The following LIN7A variants were observed in gnomAD, a reference collection of about 807,000 sequenced individuals.
LIN7A encodes the protein lin-7 cell polarity scaffold A.
Under a neutral mutation model 29.8 loss-of-function variants are expected in LIN7A, and 25 were observed. The ratio of observed to expected loss-of-function variants is 0.84; its 90% CI spans 0.61 to 1.17. LIN7A has a LOEUF of 1.17. Ranked by LOEUF, LIN7A falls within the 50% of genes most tolerant of loss-of-function variation. The pLI, the probability that LIN7A is intolerant of heterozygous loss-of-function variation, is 0.00. For missense variants in LIN7A, 239 were observed against 287.0 expected (o/e 0.83, Z 1.21); for synonymous variants, 118 against 107.5 (o/e 1.10, Z -0.60).
intron 4 of LIN7A, among the ~76,000 whole-genome samples, chr12:80,824,244 C>A (rs1359175527): frequency 6.6e-6 from 1 of 152,086 alleles, no homozygotes; most frequent in African/African-American, 2.4e-5. Context: ...CACCTTTATA[C>A]ACATAGACTA....
At chr12:80,851,445 T>C (rs1360348384) in intron 2 of LIN7A, among the ~76,000 whole-genome samples, 1 of 151,588 alleles carries the variant, frequency 6.6e-6, no homozygotes, top group Non-Finnish European at 1.5e-5. Context: ...GGTTGTAGAG[T>C]CAGGTCAAAT....
At chr12:80,916,511 T>A (rs2120842116) in intron 1 of LIN7A, among the ~76,000 whole-genome samples, 1 of 152,254 alleles carries the variant, frequency 6.6e-6, no homozygotes, top group African/African-American at 2.4e-5. Flanking sequence ...GGGCCATGCT[T>A]CTCCAATTAT....
rs573202653 is a variant in LIN7A at position 80,911,306 on chromosome 12, A to C, written c.83-21937T>G. ...TTTTTTTTTTGGTGGGGAGAAGATGAGGTCTCACTATGTTGCCCAGGCTGG... is the reference window on the plus strand; with the variant it reads ...TTTTTTTTTTGGTGGGGAGAAGATGCGGTCTCACTATGTTGCCCAGGCTGG... On this transcript the variant is annotated intron_variant, in intron 1 of 5. Coordinates refer to ENST00000552864, the MANE Select transcript of LIN7A (RefSeq NM_004664.4). Among the ~76,000 whole-genome samples the C allele has an allele frequency of 1.8e-4, 23 of 126,038 alleles. No individual in the cohort carries two copies. The Admixed American group carries it at 2.0e-3, about 11-fold the overall frequency. The allele number at this position is 126,038 out of a possible 152,430, so 82.7% of individuals were successfully genotyped here. A position where few individuals can be genotyped will look rare whatever the true frequency, so the allele number is the denominator to read the frequency against.
chr12:80,834,692 C>G (rs1005945548), intron 4 of LIN7A, among the ~76,000 whole-genome samples: 1 of 152,206 alleles, frequency 6.6e-6, no homozygotes, highest in Non-Finnish European at 1.5e-5. Context: ...GTTTGGTTAT[C>G]TCACATGAAC....
In LIN7A at chr12:80,922,817, C is replaced by T. The variant is rs1010201678; in HGVS notation, c.82+14824G>A. Among the ~76,000 whole-genome samples, 6 of 152,120 alleles carry T rather than the reference C, an allele frequency of 3.9e-5. No individual in the cohort carries two copies. The South Asian group carries it at 6.2e-4, about 16-fold the overall frequency. On this transcript the variant is annotated intron_variant, in intron 1 of 5. Coordinates refer to ENST00000552864, the MANE Select transcript of LIN7A (RefSeq NM_004664.4). ...CTGAGTAGCACAATGAAACCCCTTG[C>T]CTTCCATCTCTGTCCGGGACATGAA...
At chr12:80,927,192 C>T (rs1297889166) in intron 1 of LIN7A, among the ~76,000 whole-genome samples, 4 of 109,022 alleles carry the variant, frequency 3.7e-5, no homozygotes, top group East Asian at 6.1e-4. Context: ...GACGGAGTCT[C>T]GCTCCGTCGC....
At chr12:80,876,806 T>C (rs79005330) in intron 2 of LIN7A, among the ~76,000 whole-genome samples, 5,958 of 152,264 alleles carry the variant, frequency 0.039, 189 homozygotes, top group East Asian at 0.091. Context: ...GTTTGAAAAC[T>C]GTTTGACATA....
intron 4 of LIN7A, among the ~76,000 whole-genome samples, chr12:80,812,221 C>T (rs77458988): frequency 0.1 from 15,124 of 151,724 alleles, 816 homozygotes; most frequent in East Asian, 0.18. Context: ...GGACTATTAA[C>T]TAAATTAAAT....
chr12:80,925,753 A>T (rs116810411), intron 1 of LIN7A, among the ~76,000 whole-genome samples: 1,863 of 152,330 alleles, frequency 0.012, 33 homozygotes, highest in African/African-American at 0.035. Flanking sequence ...CTTCCCAAAC[A>T]ATACAATACT....
At chr12:80,909,724 A>T (rs1876660422) in intron 1 of LIN7A, among the ~76,000 whole-genome samples, 1 of 152,142 alleles carries the variant, frequency 6.6e-6, no homozygotes, top group Non-Finnish European at 1.5e-5. Flanking sequence ...GGAAGTTATT[A>T]TTTCAACATA....
chr12:80,871,801 A>T (rs1408372068), intron 2 of LIN7A, among the ~76,000 whole-genome samples: 1 of 151,858 alleles, frequency 6.6e-6, no homozygotes, highest in Non-Finnish European at 1.5e-5. Flanking sequence ...GTAGTAGACA[A>T]ATGTAAACCT....
At chr12:80,806,155 CA>C (rs1870976894) in intron 5 of LIN7A, among the ~76,000 whole-genome samples, 1 of 151,874 alleles carries the variant, frequency 6.6e-6, no homozygotes, top group African/African-American at 2.4e-5. Flanking sequence ...ACTGTAAGTC[CA>C]ATTAAGTCTC....
intron 1 of LIN7A, among the ~76,000 whole-genome samples, chr12:80,910,314 T>C (rs1437734496): frequency 6.6e-6 from 1 of 152,194 alleles, no homozygotes; most frequent in African/African-American, 2.4e-5. Context: ...TAGACAATCA[T>C]ATTGTTGGTG....
rs760047962 is a variant in LIN7A at position 80,929,724 on chromosome 12, TAC to T, written c.82+7915_82+7916del. Among the ~76,000 whole-genome samples, 12 of 151,484 alleles carry T rather than the reference TAC, an allele frequency of 7.9e-5. No homozygotes were observed. The East Asian group carries it at 1.4e-3, about 17-fold the overall frequency. On this transcript the variant is annotated intron_variant, in intron 1 of 5. Transcript: ENST00000552864. ...TCTCATTCTTTTAAATATATATATG[TAC>T]ACACACACACACATTTTATATATAT...
At chr12:80,830,032 T>G (rs1872269691) in intron 4 of LIN7A, among the ~76,000 whole-genome samples, 1 of 152,190 alleles carries the variant, frequency 6.6e-6, no homozygotes, top group Non-Finnish European at 1.5e-5. Context: ...TCACCCTTTG[T>G]GATCTGGCCC....
Position 80,821,395 on chromosome 12 carries a change from C to CT in LIN7A, c.484-9713dup, listed in dbSNP as rs553473404. Among the ~76,000 whole-genome samples, 359 of 148,830 alleles carry CT rather than the reference C, an allele frequency of 2.4e-3. 1 individual carries two copies. Among genetic ancestry groups the CT allele is most frequent in the African/African-American group, 4.8e-3 (194 of 40,612 alleles). ...GCATAGTAGTGCCTGGTAAATTTTC[C>CT]TTTTTTTTTTAATTAAAAATACTTT... On this transcript the variant is annotated intron_variant, in intron 4 of 5. Transcript: ENST00000552864.
Position 80,937,704 on chromosome 12 carries a change from T to C in LIN7A, c.19A>G (p.Thr7Ala). 6.5e-7 allele frequency: 1 copy of C among 1,532,780 alleles called. No individual in the cohort carries two copies. The highest frequency in any genetic ancestry group is 8.8e-7 in the Non-Finnish European group (1 of 1,135,476). 94.9% of individuals were successfully genotyped at this position (1,532,780 alleles called of 1,614,324 possible). A position where few individuals can be genotyped will look rare whatever the true frequency, so the allele number is the denominator to read the frequency against. The change falls in exon 1 of 6, where the codon ACT (threonine) becomes GCT (alanine). Residue 7 changes from threonine (T) to alanine (A), a missense_variant. Coordinates refer to ENST00000552864, the MANE Select transcript of LIN7A (RefSeq NM_004664.4). MLKPSV[T>A]SAPTADMATL... is the part of the protein sequence containing the mutation. The stretch of plus-strand genomic sequence containing the variant: ...GCCATGTCTGCCGTGGGAGCCGAAG[T>C]GACGCTCGGCTTCAGCATCAGCAAC...
intron 2 of LIN7A, among the ~76,000 whole-genome samples, chr12:80,856,817 A>G (rs989860402): frequency 2.0e-5 from 3 of 152,054 alleles, no homozygotes; most frequent in African/African-American, 7.3e-5. Flanking sequence ...TATTAATAGG[A>G]TGGCAATACT....
At position 80,794,415 on chromosome 12, in the gene LIN7A, A is replaced by G. The variant is rs1281395526; in HGVS notation, c.*3312T>C. On this transcript the variant is annotated 3_prime_UTR_variant, in exon 6 of 6. Coordinates refer to ENST00000552864, the MANE Select transcript of LIN7A (RefSeq NM_004664.4). The stretch of plus-strand genomic sequence containing the variant: ...GGTCTTATGAACAGGCTGTGTCTGT[A>G]TGATAAAAACAAACTAGTTAAAAGA... 1 of 152,210 alleles carries G rather than the reference A, an allele frequency of 6.6e-6. No individual in the cohort carries two copies. Among genetic ancestry groups the G allele is most frequent in the Non-Finnish European group, 1.5e-5 (1 of 68,020 alleles). The allele number at this position is 152,210 out of a possible 1,614,324, so 9.4% of individuals were successfully genotyped here. A position where few individuals can be genotyped will look rare whatever the true frequency, so the allele number is the denominator to read the frequency against.
Sources: gnomAD v4.1 joint callset for allele counts (sites outside exome capture counted in the v4.1 genomes callset) on GRCh38, gnomAD v4.1.1 for gene constraint, MANE v1.5 for transcripts, NCBI Gene and HGNC (gene_info 2026-07-23, HGNC 2026-07-21) for gene names.